Variants in CSMD1 observed in about 807,000 individuals in gnomAD.
CSMD1 encodes the protein CUB and Sushi multiple domains 1, also known as CUB and sushi domain-containing protein 1.
A neutral mutation model predicts 417.5 loss-of-function variants in CSMD1; 213 were observed. The ratio of observed to expected loss-of-function variants is 0.51; its 90% CI spans 0.46 to 0.57. The LOEUF (loss-of-function observed/expected upper bound fraction) is 0.57, where lower values mean the gene tolerates loss of function less well. Among genes scored for constraint, CSMD1 ranks in the 20% least tolerant of loss-of-function variants. CSMD1 has a pLI of 0.00. For synonymous variants in CSMD1, 2,862 were observed against 1,736.8 expected, an observed-to-expected ratio of 1.65 and a Z score of -16.11; for missense variants, 6,923 against 4,529.7, an observed-to-expected ratio of 1.53 and a Z score of -15.17.
chr8:2,984,381 C>T (rs1368670486), intron 54 of CSMD1, among the ~76,000 whole-genome samples: 2 of 152,024 alleles, frequency 1.3e-5, no homozygotes, highest in Admixed American at 1.3e-4. Flanking sequence ...CCACGTCTTG[C>T]TCTGTTGCCC....
At chr8:3,050,029 G>C (rs34256645) in intron 50 of CSMD1, among the ~76,000 whole-genome samples, 28,572 of 151,142 alleles carry the variant, frequency 0.19, 3,217 homozygotes, top group Non-Finnish European at 0.25. Flanking sequence ...TTCTCAGATA[G>C]TATACAAATT....
At position 4,398,312 on chromosome 8, in the gene CSMD1, G is replaced by A. The variant is rs142371725; in HGVS notation, c.415+21641C>T. ...ACAATCGTCTCTACTCTTAGTATGAGTTTTAAATATTCGTTAGGACTGATA... is the reference window on the plus strand; with the variant it reads ...ACAATCGTCTCTACTCTTAGTATGAATTTTAAATATTCGTTAGGACTGATA... On this transcript the variant is annotated intron_variant, in intron 3 of 69. Transcript: ENST00000635120. Among the ~76,000 whole-genome samples the A allele has an allele frequency of 2.0e-5, 3 of 148,198 alleles. No homozygotes were observed. In the East Asian group the frequency reaches 6.3e-4, roughly 31 times the overall value.
intron 5 of CSMD1, among the ~76,000 whole-genome samples, chr8:3,893,354 T>TATATATATATATATATATATATATAG (rs1807121189): frequency 1.5e-5 from 2 of 135,322 alleles, no homozygotes; most frequent in Non-Finnish European, 3.2e-5. Context: ...TATATATATA[T>TATATATATATATATATATATATATAG]ATATATATTA....
intron 3 of CSMD1, among the ~76,000 whole-genome samples, chr8:4,152,589 C>T (rs775844773): frequency 6.6e-6 from 1 of 151,396 alleles, no homozygotes; most frequent in Admixed American, 6.6e-5. Context: ...CCTTGGGAGG[C>T]TTAAGTGGGA....
chr8:4,062,614 G>C (rs1162707121), intron 3 of CSMD1, among the ~76,000 whole-genome samples: 1 of 152,028 alleles, frequency 6.6e-6, no homozygotes, highest in Admixed American at 6.6e-5. Flanking sequence ...TCTTAAAGCT[G>C]GAAAAACAGC....
At chr8:3,976,063 T>C (rs1000340438) in intron 5 of CSMD1, among the ~76,000 whole-genome samples, 2 of 152,124 alleles carry the variant, frequency 1.3e-5, no homozygotes, top group Admixed American at 6.6e-5. Flanking sequence ...GTATTTGATA[T>C]GTTAAATTTT....
At chr8:4,506,243 G>A (rs994077752) in intron 2 of CSMD1, among the ~76,000 whole-genome samples, 11 of 152,194 alleles carry the variant, frequency 7.2e-5, no homozygotes, top group African/African-American at 2.6e-4. Flanking sequence ...AGCTATTGGA[G>A]CACCTCACTA....
chr8:4,083,062 C>A (rs1000140884), intron 3 of CSMD1, among the ~76,000 whole-genome samples: 30 of 151,972 alleles, frequency 2.0e-4, no homozygotes, highest in Admixed American at 2.0e-3. Flanking sequence ...GTGAATAGTG[C>A]CACAATAAAC....
At chr8:4,414,753 T>C (rs114995187) in intron 3 of CSMD1, among the ~76,000 whole-genome samples, 4,334 of 152,274 alleles carry the variant, frequency 0.028, 102 homozygotes, top group African/African-American at 0.067. Flanking sequence ...TTCAGATTTT[T>C]ATCCAAAAAT....
At chr8:3,357,091 C>T (rs71521847) in intron 21 of CSMD1, among the ~76,000 whole-genome samples, 2 of 151,956 alleles carry the variant, frequency 1.3e-5, no homozygotes, top group Non-Finnish European at 1.5e-5. Flanking sequence ...AGCTCTGCAG[C>T]GGCCAGAATC....
At chr8:3,462,952 T>C (rs540884116) in intron 12 of CSMD1, among the ~76,000 whole-genome samples, 2 of 152,310 alleles carry the variant, frequency 1.3e-5, no homozygotes, top group East Asian at 3.9e-4. Context: ...ATTAGTGCCC[T>C]TGTGAAGGAT....
intron 11 of CSMD1, among the ~76,000 whole-genome samples, chr8:3,471,730 T>C (rs185455913): frequency 6.7e-6 from 1 of 149,266 alleles, no homozygotes; most frequent in African/African-American, 2.4e-5. Context: ...CCTTGCTTTC[T>C]GTTATCATTC....
At chr8:3,795,265 T>C (rs1410817663) in intron 5 of CSMD1, among the ~76,000 whole-genome samples, 1 of 69,470 alleles carries the variant, frequency 1.4e-5, no homozygotes, top group African/African-American at 5.3e-5. Flanking sequence ...TAGATATATA[T>C]CTATCATGTA....
chr8:3,639,832 C>A (rs1446069406), intron 7 of CSMD1, among the ~76,000 whole-genome samples: 1 of 152,176 alleles, frequency 6.6e-6, no homozygotes, highest in African/African-American at 2.4e-5. Flanking sequence ...AAGCAAAAAT[C>A]TAATCATATT....
chr8:4,202,436 G>T (rs1026946228), intron 3 of CSMD1, among the ~76,000 whole-genome samples: 16 of 152,128 alleles, frequency 1.1e-4, no homozygotes, highest in African/African-American at 3.9e-4. Context: ...AGAGGTCGTG[G>T]AAATGTACAA....
intron 18 of CSMD1, among the ~76,000 whole-genome samples, chr8:3,372,040 A>G (rs576848024): frequency 6.6e-6 from 1 of 152,356 alleles, no homozygotes; most frequent in South Asian, 2.1e-4. Context: ...AAAAGACAGG[A>G]TAAAACCTGT....
At chr8:4,080,580 T>A (rs1800078979) in intron 3 of CSMD1, among the ~76,000 whole-genome samples, 1 of 152,242 alleles carries the variant, frequency 6.6e-6, no homozygotes, top group African/African-American at 2.4e-5. Context: ...TGCATATTTA[T>A]GTATGATGTC....
At chr8:3,298,265 A>G (rs1370507719) in intron 25 of CSMD1, among the ~76,000 whole-genome samples, 3 of 152,188 alleles carry the variant, frequency 2.0e-5, no homozygotes, top group African/African-American at 7.2e-5. Flanking sequence ...ACATACATTC[A>G]CCAGGTAACA....
At chr8:4,422,937 T>C (rs1205596896) in intron 2 of CSMD1, among the ~76,000 whole-genome samples, 1 of 152,004 alleles carries the variant, frequency 6.6e-6, no homozygotes, top group African/African-American at 2.4e-5. Flanking sequence ...CACAAGATCA[T>C]AGTAATCTAT....
Sources: allele counts gnomAD v4.1 joint callset (sites outside exome capture counted in the v4.1 genomes callset), GRCh38; gene constraint gnomAD v4.1.1; transcripts MANE v1.5; gene names NCBI Gene and HGNC (gene_info 2026-07-23, HGNC 2026-07-21).